RAP1GAP: variants seen among roughly 807,000 people sequenced by gnomAD.
RAP1GAP encodes rap1 GTPase-activating protein 1.
RAP1GAP carries 35 observed loss-of-function variants against 87.2 expected under a neutral mutation model. That is an observed-to-expected ratio of 0.40 (90% CI 0.31 to 0.53). The LOEUF is 0.53. Among genes scored for constraint, RAP1GAP ranks in the 20% least tolerant of loss-of-function variants. The pLI is 0.48. For missense variants in RAP1GAP, 734 were observed against 898.9 expected (o/e 0.82, Z 2.35); for synonymous variants, 375 against 363.9 (o/e 1.03, Z -0.35).
intron 2 of RAP1GAP, 149 bp downstream of exon 2, chr1:21,649,612 A>G: frequency 1.1e-6 from 1 of 873,974 alleles, no homozygotes; most frequent in Non-Finnish European, 1.8e-6. Context: ...TGGGGACAGT[A>G]AGAGGGTCTG....
At chr1:21,642,529 C>G (rs1264382717) in intron 2 of RAP1GAP, among the ~76,000 whole-genome samples, 1 of 152,198 alleles carries the variant, frequency 6.6e-6, no homozygotes, top group African/African-American at 2.4e-5. Flanking sequence ...GGCTCCAGGG[C>G]TTCCACAGCC....
In RAP1GAP at chr1:21,599,603, G is replaced by T; in HGVS notation, c.1667C>A (p.Ala556Glu). The change falls in exon 21 of 25, where the codon GCG (alanine) becomes GAG (glutamate). Residue 556 changes from alanine to glutamate, a missense_variant. Ala to Glu is a moderately radical substitution (Grantham distance 107, BLOSUM62 -1). Around this residue, in one of 2 missense-constraint regions of RAP1GAP, gnomAD observed 249 missense variants for 252.7 expected, o/e 0.99. Coordinates refer to ENST00000374765, the MANE Select transcript of RAP1GAP (RefSeq NM_002885.4). ...PTTKNRAETA[A>E]QRAEALKDFS... ...GTCCTTGAGCGCCTCTGCTCTCTGC[G>T]CTGCGGTCTCCGCTCTGCCACAGAC... 5 of 1,606,458 alleles carry T rather than the reference G, an allele frequency of 3.1e-6. No individual in the cohort carries two copies. Among genetic ancestry groups the T allele is most frequent in the Non-Finnish European group, 3.4e-6 (4 of 1,179,834 alleles).
chr1:21,644,057 AC>A (rs2095797682), intron 2 of RAP1GAP, among the ~76,000 whole-genome samples: 1 of 152,148 alleles, frequency 6.6e-6, no homozygotes, highest in African/African-American at 2.4e-5. Context: ...TGAGATGGGG[AC>A]CCATTTCTCA....
chr1:21,666,335 G>GCCTGGTAAC (rs1460826843), intron 1 of RAP1GAP, among the ~76,000 whole-genome samples: 1 of 152,242 alleles, frequency 6.6e-6, no homozygotes, highest in Admixed American at 6.5e-5. Context: ...AGAAACTGGG[G>GCCTGGTAAC]CCTGGTAATG....
intron 2 of RAP1GAP, among the ~76,000 whole-genome samples, chr1:21,639,400 T>C (rs2095288059): frequency 6.6e-6 from 1 of 152,204 alleles, no homozygotes; most frequent in African/African-American, 2.4e-5. Flanking sequence ...CACACCTGAG[T>C]GTGTCTGAGT....
rs1393604138 is a variant in RAP1GAP, at chr1:21,622,439, C to A, written c.-18-2389G>T. On this transcript the variant is annotated intron_variant, in intron 3 of 24. Coordinates refer to ENST00000374765, the MANE Select transcript of RAP1GAP (RefSeq NM_002885.4). This position sits in a 1 kb window ranked among gnomAD's most constrained non-coding sequence, Gnocchi z 5.7. Reference sequence around the variant, plus strand: ...CCTGAGCGCGGCCCGGCCCGGCCCCCGCCGGGGCGGCACTTCAGCTGGCCC... The same window carrying A: ...CCTGAGCGCGGCCCGGCCCGGCCCCAGCCGGGGCGGCACTTCAGCTGGCCC... 1.6e-5 allele frequency: 4 copies of A among 252,612 alleles called. No homozygotes were observed. The highest frequency in any genetic ancestry group is 5.6e-5 in the Admixed American group (1 of 17,872). 15.6% of individuals were successfully genotyped at this position (252,612 alleles called of 1,614,324 possible). A position where few individuals can be genotyped will look rare whatever the true frequency, so the allele number is the denominator to read the frequency against.
chr1:21,604,076 G>A (rs879697639), intron 18 of RAP1GAP, among the ~76,000 whole-genome samples: 1 of 152,050 alleles, frequency 6.6e-6, no homozygotes, highest in East Asian at 1.9e-4. Context: ...GGAGAGATAG[G>A]GCCGGGGAAA....
Position 21,649,802 on chromosome 1 carries a change from A to T in RAP1GAP, c.-148-6T>A. ...AAGTGAAGGACTTGTCCACCCTGAA[A>T]CACAACAAGAGGGGCCATAGGTGAG... is the stretch of plus-strand genomic sequence containing the variant. On this transcript the variant is annotated splice_region_variant and splice_polypyrimidine_tract_variant and intron_variant, in intron 1 of 24. Transcript: ENST00000374765. The T allele has an allele frequency of 6.4e-7, 1 of 1,552,000 alleles. No homozygotes were observed. The highest frequency in any genetic ancestry group is 8.7e-7 in the Non-Finnish European group (1 of 1,147,150).
chr1:21,651,560 C>T (rs778458245), intron 1 of RAP1GAP: 17 of 683,326 alleles, frequency 2.5e-5, no homozygotes, highest in Non-Finnish European at 3.3e-5. Flanking sequence ...CACATGGACA[C>T]GCAATGGGAA....
At position 21,613,282 on chromosome 1, in the gene RAP1GAP, A is replaced by G; in HGVS notation, c.475-53T>C. 1 of 1,455,828 alleles carries G rather than the reference A, an allele frequency of 6.9e-7. No individual in the cohort carries two copies. The highest frequency in any genetic ancestry group is 9.6e-7 in the Non-Finnish European group (1 of 1,036,450). The allele number at this position is 1,455,828 out of a possible 1,614,324, so 90.2% of individuals were successfully genotyped here. ...GAGGTGTGGGGCCAGGGAGGAGAGG[A>G]TGGGGCTGCCTGGGCCTCCCTGGTC... On this transcript the variant is annotated intron_variant, in intron 9 of 24. Transcript: ENST00000374765. This position sits in a 1 kb window ranked among gnomAD's most constrained non-coding sequence, Gnocchi z 4.7.
chr1:21,621,366 C>T (rs2087335712), intron 3 of RAP1GAP, among the ~76,000 whole-genome samples: 2 of 152,118 alleles, frequency 1.3e-5, no homozygotes, highest in African/African-American at 4.8e-5. Flanking sequence ...GCAGGGGTAG[C>T]TAATCCCCAA....
intron 2 of RAP1GAP, among the ~76,000 whole-genome samples, chr1:21,643,225 C>A (rs2095689028): frequency 6.6e-6 from 1 of 152,122 alleles, no homozygotes; most frequent in African/African-American, 2.4e-5. Context: ...TGGGGAAGAT[C>A]CTGAACTCAG....
chr1:21,651,957 G>C, intron 1 of RAP1GAP: 1 of 760,462 alleles, frequency 1.3e-6, no homozygotes, highest in Non-Finnish European at 1.6e-6. Context: ...AGCGGGCCGC[G>C]GTCCAGCTGC....
chr1:21,642,697 A>T (rs1441865812), intron 2 of RAP1GAP, among the ~76,000 whole-genome samples: 2 of 151,996 alleles, frequency 1.3e-5, no homozygotes, highest in Non-Finnish European at 2.9e-5. Flanking sequence ...TAGCCCACAG[A>T]AGTCCCAGCA....
chr1:21,663,125 G>A (rs1003957850), intron 1 of RAP1GAP, among the ~76,000 whole-genome samples: 1 of 152,222 alleles, frequency 6.6e-6, no homozygotes, highest in Non-Finnish European at 1.5e-5. Flanking sequence ...TCTCCAGCCA[G>A]GGAGGGCTGT....
intron 17 of RAP1GAP, 128 bp downstream of exon 17, chr1:21,608,085 C>A: frequency 7.2e-7 from 1 of 1,389,980 alleles, no homozygotes; most frequent in Non-Finnish European, 9.7e-7. Context: ...GGGACTCCAC[C>A]CCCTCAGCCA....
rs1475314289 is a variant in RAP1GAP, at chr1:21,598,437, C to T, written c.1842G>A (p.Glu614=). 1 of 1,614,036 alleles carries T rather than the reference C, an allele frequency of 6.2e-7. No homozygotes were observed. Among genetic ancestry groups the T allele is most frequent in the South Asian group, 1.1e-5 (1 of 91,086 alleles). Residue 614 remains glutamate, a synonymous_variant, in exon 22 of 25, where the codon GAG becomes GAA. Coordinates refer to ENST00000374765, the MANE Select transcript of RAP1GAP (RefSeq NM_002885.4). ...RDSFIYSTWL[E]DSVSTTSGGS... ...CCCCACTAGTGGTGCTGACACTGTCCTCCAGCCACGTGCTATAGATGAAGG... is the reference window on the plus strand; with the variant it reads ...CCCCACTAGTGGTGCTGACACTGTCTTCCAGCCACGTGCTATAGATGAAGG...
chr1:21,665,144 T>C, intron 1 of RAP1GAP: 1 of 414,824 alleles, frequency 2.4e-6, no homozygotes, highest in East Asian at 6.9e-5. Flanking sequence ...AACATACTCA[T>C]CAGGCAAGTG....
intron 2 of RAP1GAP, among the ~76,000 whole-genome samples, chr1:21,635,948 T>C (rs959291833): frequency 1.3e-5 from 2 of 152,096 alleles, no homozygotes; most frequent in Non-Finnish European, 2.9e-5. Context: ...TCACCAAGGA[T>C]TGGTTGGAAG....
Sources: gnomAD v4.1 joint callset for allele counts (sites outside exome capture counted in the v4.1 genomes callset) on GRCh38, gnomAD v4.1.1 for gene constraint, gnomAD v4.1.1 regional missense constraint, Gnocchi (gnomAD v3.1) non-coding constraint, MANE v1.5 for transcripts, NCBI Gene and HGNC (gene_info 2026-07-23, HGNC 2026-07-21) for gene names.